TSHR: variants seen among roughly 807,000 people sequenced by gnomAD.
The protein encoded by TSHR is thyrotropin receptor.
A neutral mutation model predicts 64.1 loss-of-function variants in TSHR; 51 were observed. The observed-to-expected ratio is 0.80, with a 90% CI of 0.64 to 1.01. TSHR has a LOEUF of 1.01. Among genes scored for constraint, TSHR ranks in the 50% least tolerant of loss-of-function variants. The pLI is 0.00. For missense variants in TSHR, 877 were observed against 942.8 expected, an observed-to-expected ratio of 0.93 and a Z score of 0.91; for synonymous variants, 361 against 361.9, an observed-to-expected ratio of 1.00 and a Z score of 0.03.
At chr14:81,088,740 G>A (rs1308584849) in intron 4 of TSHR, among the ~76,000 whole-genome samples, 1 of 151,976 alleles carries the variant, frequency 6.6e-6, no homozygotes, top group African/African-American at 2.4e-5. Context: ...GAAGAAAATT[G>A]TTAAAAAAAA....
chr14:81,046,891 G>C (rs2139858204), intron 1 of TSHR, among the ~76,000 whole-genome samples: 1 of 152,226 alleles, frequency 6.6e-6, no homozygotes, highest in Non-Finnish European at 1.5e-5. Context: ...AAACTTCACA[G>C]GCTGGAATAC....
intron 1 of TSHR, among the ~76,000 whole-genome samples, chr14:80,979,256 C>T (rs995124159): frequency 7.4e-5 from 6 of 81,586 alleles, no homozygotes; most frequent in Admixed American, 5.1e-4. Context: ...ACATTGATCT[C>T]GTAGAAGCAT....
intron 1 of TSHR, among the ~76,000 whole-genome samples, chr14:80,978,322 C>T (rs1887997190): frequency 6.6e-6 from 1 of 152,164 alleles, no homozygotes; most frequent in Admixed American, 6.5e-5. Context: ...TGATCTGCTC[C>T]CAAAACCTCA....
intron 8 of TSHR, among the ~76,000 whole-genome samples, chr14:81,120,279 C>G (rs1667128260): frequency 6.6e-6 from 1 of 152,160 alleles, no homozygotes; most frequent in African/African-American, 2.4e-5. Context: ...CAGAGCTTCC[C>G]ATAGGCCTCC....
At chr14:80,966,079 T>C (rs1252683831) in intron 1 of TSHR, among the ~76,000 whole-genome samples, 1 of 152,262 alleles carries the variant, frequency 6.6e-6, no homozygotes, top group African/African-American at 2.4e-5. Flanking sequence ...GGCTTATATT[T>C]TGTAGGCATT....
At chr14:81,030,664 GA>G (rs1202870738) in intron 1 of TSHR, among the ~76,000 whole-genome samples, 1 of 152,120 alleles carries the variant, frequency 6.6e-6, no homozygotes, top group African/African-American at 2.4e-5. Flanking sequence ...TGATAATGCT[GA>G]ATGGAATTGA....
chr14:81,027,871 G>T (rs116053167), intron 1 of TSHR, among the ~76,000 whole-genome samples: 1 of 152,060 alleles, frequency 6.6e-6, no homozygotes, highest in Non-Finnish European at 1.5e-5. Context: ...AATCAGGAGC[G>T]AGAGGGAAAT....
intron 1 of TSHR, among the ~76,000 whole-genome samples, chr14:81,000,326 T>C (rs1011073834): frequency 6.6e-6 from 1 of 152,080 alleles, no homozygotes; most frequent in Non-Finnish European, 1.5e-5. Context: ...ACGAGAAATA[T>C]TTTGACATCT....
intron 1 of TSHR, among the ~76,000 whole-genome samples, chr14:81,036,503 T>G (rs1279992267): frequency 6.6e-6 from 1 of 151,988 alleles, no homozygotes; most frequent in East Asian, 1.9e-4. Flanking sequence ...CCCAGAAAAT[T>G]TATACTTCAG....
intron 8 of TSHR, among the ~76,000 whole-genome samples, chr14:81,130,909 T>G (rs1682641383): frequency 1.0e-5 from 1 of 96,862 alleles, no homozygotes; most frequent in Non-Finnish European, 1.8e-5. Context: ...GAGAATGGCG[T>G]GAACCCGGGA....
chr14:81,135,434 A>T (rs1395598439), intron 8 of TSHR, among the ~76,000 whole-genome samples: 2 of 152,216 alleles, frequency 1.3e-5, no homozygotes, highest in Non-Finnish European at 2.9e-5. Context: ...AAGTTCCTAA[A>T]ATCAGAATAG....
Position 81,005,199 on chromosome 14 carries a change from G to GTA in TSHR, c.170+49350_170+49351insAT, listed in dbSNP as rs1163923343. Among the ~76,000 whole-genome samples the GTA allele has an allele frequency of 1.7e-3, 5 of 3,004 alleles. No homozygotes were observed. The East Asian group carries it at 0.11, about 63-fold the overall frequency. 2.0% of individuals were successfully genotyped at this position (3,004 alleles called of 152,430 possible). A position where few individuals can be genotyped will look rare whatever the true frequency, so the allele number is the denominator to read the frequency against. ...TCTCATGAAGGGGACTCAAGCCTTT[G>GTA]TGTGTGTGTGTGTGTGTGTGTGTGT... On this transcript the variant is annotated intron_variant, in intron 1 of 9. Coordinates refer to ENST00000298171, the MANE Select transcript of TSHR (RefSeq NM_000369.5).
At chr14:81,067,429 A>T (rs1323213940) in intron 2 of TSHR, among the ~76,000 whole-genome samples, 1 of 150,344 alleles carries the variant, frequency 6.7e-6, no homozygotes, top group Non-Finnish European at 1.5e-5. Context: ...CAGAAATATC[A>T]CCCAAAGAAC....
rs115699462 is a variant in TSHR, at chr14:81,061,986, G to A, written c.171-162G>A. Among the ~76,000 whole-genome samples the A allele has an allele frequency of 4.0e-3, 607 of 152,122 alleles. 9 individuals are homozygous for A. The highest frequency in any genetic ancestry group is 0.014 in the African/African-American group (584 of 41,510). On this transcript the variant is annotated intron_variant, in intron 1 of 9. Transcript: ENST00000298171. Reference sequence around the variant, plus strand: ...TGGGAGAAAAAAATGTGTACATATGGTTCTTTGGTATGTTTGTTGAGTATT... The same window carrying A: ...TGGGAGAAAAAAATGTGTACATATGATTCTTTGGTATGTTTGTTGAGTATT...
Position 81,103,483 on chromosome 14 carries a change from T to C in TSHR, c.615-4892T>C. Reference sequence around the variant, plus strand: ...TCATTTACACTCATTTTTTAAAATGTAACTGAATAATACAATTACAGCCAA... The same window carrying C: ...TCATTTACACTCATTTTTTAAAATGCAACTGAATAATACAATTACAGCCAA... On this transcript the variant is annotated intron_variant, in intron 7 of 9. Transcript: ENST00000298171. The surrounding 1 kb of genome is among the most constrained non-coding windows in gnomAD (Gnocchi z 4.1). The C allele has an allele frequency of 2.0e-6, 2 of 985,454 alleles. No homozygotes were observed. The highest frequency in any genetic ancestry group is 2.4e-6 in the Non-Finnish European group (2 of 829,940). The allele number at this position is 985,454 out of a possible 1,614,324, so 61.0% of individuals were successfully genotyped here. A position where few individuals can be genotyped will look rare whatever the true frequency, so the allele number is the denominator to read the frequency against.
chr14:81,036,055 A>C (rs1239802725), intron 1 of TSHR, among the ~76,000 whole-genome samples: 1 of 152,180 alleles, frequency 6.6e-6, no homozygotes, highest in Non-Finnish European at 1.5e-5. Context: ...AAAAGAAAAA[A>C]GAATAAAAAG....
At chr14:81,123,035 G>A (rs1890870569) in intron 8 of TSHR, among the ~76,000 whole-genome samples, 1 of 152,088 alleles carries the variant, frequency 6.6e-6, no homozygotes, top group South Asian at 2.1e-4. Context: ...GTTGAGGCAC[G>A]AGAATCGCTT....
chr14:81,050,549 C>G (rs187225353), intron 1 of TSHR: 25 of 152,212 alleles, frequency 1.6e-4, no homozygotes, highest in African/African-American at 6.0e-4. Context: ...TTTAAAACAC[C>G]TAGTTAGTGT....
intron 7 of TSHR, chr14:81,104,619 T>C: frequency 5.1e-6 from 5 of 985,348 alleles, no homozygotes; most frequent in Non-Finnish European, 6.0e-6. Flanking sequence ...GTGCCACGAG[T>C]GAGTCCAACA....
Sources: gnomAD v4.1 joint callset for allele counts (sites outside exome capture counted in the v4.1 genomes callset) on GRCh38, gnomAD v4.1.1 for gene constraint, Gnocchi (gnomAD v3.1) non-coding constraint, MANE v1.5 for transcripts, NCBI Gene and HGNC (gene_info 2026-07-23, HGNC 2026-07-21) for gene names.